The following LYST variants were observed in gnomAD, a reference collection of about 807,000 sequenced individuals.
LYST encodes the protein lysosomal trafficking regulator, also known as lysosomal-trafficking regulator.
Under a neutral mutation model 413.6 loss-of-function variants are expected in LYST, and 192 were observed. The observed-to-expected ratio is 0.46, with a 90% confidence interval of 0.41 to 0.52. LYST has a LOEUF of 0.52. LYST is among the 20% of genes least tolerant of loss of function. The pLI is 0.00. For missense variants in LYST, 3,815 were observed against 4,499.9 expected, an observed-to-expected ratio of 0.85 and a Z score of 4.35; for synonymous variants, 1,525 against 1,567.3, an observed-to-expected ratio of 0.97 and a Z score of 0.64.
chr1:235,802,582 T>C (rs1323374858), intron 8 of LYST, among the ~76,000 whole-genome samples: 1 of 152,244 alleles, frequency 6.6e-6, no homozygotes, highest in African/African-American at 2.4e-5. Context: ...CAGTTACTAA[T>C]ACGACATCAC....
rs1672416064 is a variant in LYST, at chr1:235,803,003, T to C, written c.3617A>G (p.Asp1206Gly). 7 of 1,613,250 alleles carry C rather than the reference T, an allele frequency of 4.3e-6. No individual in the cohort carries two copies. Among genetic ancestry groups the C allele is most frequent in the Non-Finnish European group, 5.9e-6 (7 of 1,179,560 alleles). ...QPGDFSEEAE[D>G]SQCCSFKLLV... is the part of the protein sequence containing the mutation. ...AAGTTTAAAACTACAACACTGAGAATCCTCAGCTTCTTCTGAAAAATCACC... is the reference window on the plus strand; with the variant it reads ...AAGTTTAAAACTACAACACTGAGAACCCTCAGCTTCTTCTGAAAAATCACC... The change falls in exon 8 of 53, where the codon GAT becomes GGT. Residue 1206 changes from aspartate (D) to glycine (G), a missense_variant. Coordinates refer to ENST00000389793, the MANE Select transcript of LYST (RefSeq NM_000081.4).
At chr1:235,815,382 G>C (rs1434477098) in intron 3 of LYST, among the ~76,000 whole-genome samples, 1 of 152,100 alleles carries the variant, frequency 6.6e-6, no homozygotes, top group East Asian at 1.9e-4. Context: ...ATTACAGAGT[G>C]ACAAAAAGGG....
intron 48 of LYST, among the ~76,000 whole-genome samples, chr1:235,679,985 C>T (rs999404354): frequency 7.1e-6 from 1 of 140,124 alleles, no homozygotes; most frequent in Admixed American, 7.2e-5. Context: ...GCTTTTAAGG[C>T]TCTCTCTCTC....
chr1:235,822,969 T>C (rs75960952), intron 3 of LYST, among the ~76,000 whole-genome samples: 28 of 152,296 alleles, frequency 1.8e-4, no homozygotes, highest in African/African-American at 6.5e-4. Context: ...AACTCAGATG[T>C]AAGACCAGCT....
intron 50 of LYST, among the ~76,000 whole-genome samples, chr1:235,672,082 A>T (rs1251548882): frequency 6.6e-6 from 1 of 152,150 alleles, no homozygotes; most frequent in African/African-American, 2.4e-5. Context: ...CAGGTTTTTG[A>T]CCTGTCAACT....
chr1:235,773,380 A>G (rs1244528373), intron 19 of LYST, among the ~76,000 whole-genome samples: 4 of 152,156 alleles, frequency 2.6e-5, no homozygotes, highest in Admixed American at 6.6e-5. Context: ...TATTCACGGT[A>G]GCTAAAATGT....
intron 4 of LYST, among the ~76,000 whole-genome samples, chr1:235,810,990 CAAAAAT>C (rs1673397817): frequency 6.6e-6 from 1 of 152,008 alleles, no homozygotes; most frequent in Non-Finnish European, 1.5e-5. Context: ...AGTAAAAATA[CAAAAAT>C]TAGTCAGATG....
chr1:235,845,307 G>A (rs1677693263), intron 1 of LYST, among the ~76,000 whole-genome samples: 1 of 152,144 alleles, frequency 6.6e-6, no homozygotes, highest in Non-Finnish European at 1.5e-5. Context: ...GAATTACAGG[G>A]GTAGAGAATG....
At chr1:235,874,379 T>C (rs1681053392) in intron 1 of LYST, among the ~76,000 whole-genome samples, 1 of 152,176 alleles carries the variant, frequency 6.6e-6, no homozygotes, top group Non-Finnish European at 1.5e-5. Context: ...AACAAGCAAC[T>C]ATAGTCGAGG....
intron 1 of LYST, among the ~76,000 whole-genome samples, chr1:235,849,638 C>T (rs1431702508): frequency 6.6e-6 from 1 of 151,996 alleles, no homozygotes; most frequent in Non-Finnish European, 1.5e-5. Context: ...CTCTAGAAAG[C>T]TCACGGAACT....
chr1:235,689,130 A>C (rs1346445755), intron 47 of LYST, among the ~76,000 whole-genome samples: 1 of 151,994 alleles, frequency 6.6e-6, no homozygotes, highest in Non-Finnish European at 1.5e-5. Context: ...TCTCTAGATG[A>C]AAATGCAATA....
intron 4 of LYST, among the ~76,000 whole-genome samples, chr1:235,811,224 A>T (rs1673420963): frequency 6.6e-6 from 1 of 152,220 alleles, no homozygotes; most frequent in Admixed American, 6.5e-5. Flanking sequence ...TTCTAACTTC[A>T]ACATAAGAGA....
intron 31 of LYST, chr1:235,735,451 T>G (rs1664738030): frequency 6.6e-6 from 1 of 152,138 alleles, no homozygotes; most frequent in Admixed American, 6.5e-5. Context: ...CAGTGTTACT[T>G]AAGATAATGA....
At chr1:235,823,048 T>G (rs192808860) in intron 3 of LYST, among the ~76,000 whole-genome samples, 184 of 152,344 alleles carry the variant, frequency 1.2e-3, no homozygotes, top group African/African-American at 4.3e-3. Flanking sequence ...AACAGAATCA[T>G]GAGCAAAGAA....
At chr1:235,746,606 G>T in intron 28 of LYST, 79 bp from the exon 29 acceptor site, 2 of 1,064,642 alleles carry the variant, frequency 1.9e-6, no homozygotes, top group Non-Finnish European at 2.8e-6. Context: ...GAAATTTTTT[G>T]ATTACCAGAC....
chr1:235,696,020 TA>T (rs1302714973), intron 46 of LYST, among the ~76,000 whole-genome samples: 1 of 152,192 alleles, frequency 6.6e-6, no homozygotes, highest in Non-Finnish European at 1.5e-5. Context: ...AATTGCCTCA[TA>T]ACTAATTGTA....
rs140127039 is a variant in LYST, at chr1:235,709,112, C to A, written c.10122G>T (p.Ala3374=). 6 of 1,614,024 alleles carry A rather than the reference C, an allele frequency of 3.7e-6. No individual in the cohort carries two copies. In the South Asian group the frequency reaches 4.4e-5, roughly 12 times the overall value. ...TTACAGCAGGATGAAAAACATTGAT[C>A]GCTTGAACAGAAGCCTTCCCCTTTT... is the stretch of plus-strand genomic sequence containing the variant. ...YKQKGKASVQ[A]INVFHPATYF... Residue 3374 remains alanine (A), a synonymous_variant, in exon 44 of 53, where the codon GCG becomes GCT. Transcript: ENST00000389793.
intron 15 of LYST, among the ~76,000 whole-genome samples, chr1:235,781,328 G>A (rs950843241): frequency 2.0e-5 from 3 of 151,922 alleles, no homozygotes; most frequent in Non-Finnish European, 4.4e-5. Flanking sequence ...CAGAAAACAG[G>A]TTTTCTGTTT....
rs768598173 is a variant in LYST at position 235,805,843 on chromosome 1, G to A, written c.3293C>T (p.Thr1098Ile). The change falls in exon 6 of 53, where the codon ACC becomes ATC. Residue 1098 changes from threonine (T) to isoleucine (I), a missense_variant. Thr to Ile is a moderately conservative substitution (Grantham distance 89, BLOSUM62 -1). Coordinates refer to ENST00000389793, the MANE Select transcript of LYST (RefSeq NM_000081.4). ...CAAAAGTCGTATACTTTGAAGTGAGGTCTCACTTTCTTGACTTGTAAATAG... is the reference window on the plus strand; with the variant it reads ...CAAAAGTCGTATACTTTGAAGTGAGATCTCACTTTCTTGACTTGTAAATAG... ...AKLFTSQESE[T>I]SLQSIRLLEA... The A allele has an allele frequency of 2.5e-6, 4 of 1,613,132 alleles. No individual in the cohort carries two copies. Among genetic ancestry groups the A allele is most frequent in the Non-Finnish European group, 8.5e-7 (1 of 1,179,370 alleles).
Sources: gnomAD v4.1 joint callset for allele counts (sites outside exome capture counted in the v4.1 genomes callset) on GRCh38, gnomAD v4.1.1 for gene constraint, MANE v1.5 for transcripts, NCBI Gene and HGNC (gene_info 2026-07-23, HGNC 2026-07-21) for gene names.